COL26A1: variants seen among roughly 807,000 people sequenced by gnomAD.
COL26A1 encodes collagen alpha-1(XXVI) chain.
In COL26A1, 41 loss-of-function variants were observed where a neutral mutation model predicts 59.3. The ratio of observed to expected loss-of-function variants is 0.69; its 90% CI spans 0.54 to 0.90. COL26A1 has a LOEUF of 0.90. Among genes scored for constraint, COL26A1 ranks in the 40% least tolerant of loss-of-function variants. COL26A1 has a pLI of 0.00. For missense variants in COL26A1, 612 were observed against 602.3 expected (o/e 1.02, Z -0.17); for synonymous variants, 266 against 256.0 (o/e 1.04, Z -0.37).
chr7:101,418,092 T>C (rs1235758430), intron 1 of COL26A1, among the ~76,000 whole-genome samples: 1 of 152,070 alleles, frequency 6.6e-6, no homozygotes, highest in East Asian at 1.9e-4. Context: ...CTAGAATTCC[T>C]AAGCTCAAGC....
At chr7:101,540,816 T>C (rs10252827) in intron 5 of COL26A1, among the ~76,000 whole-genome samples, 55,802 of 151,812 alleles carry the variant, frequency 0.37, 11,407 homozygotes, top group African/African-American at 0.53. Flanking sequence ...CAATCCAGCC[T>C]GGAAGACGGG....
intron 3 of COL26A1, among the ~76,000 whole-genome samples, chr7:101,479,073 T>C (rs1794105589): frequency 6.6e-6 from 1 of 152,220 alleles, no homozygotes; most frequent in African/African-American, 2.4e-5. Flanking sequence ...GGGACTACCT[T>C]TGAATCCTTG....
At chr7:101,497,167 G>A (rs1794607678) in intron 3 of COL26A1, among the ~76,000 whole-genome samples, 1 of 152,120 alleles carries the variant, frequency 6.6e-6, no homozygotes. Flanking sequence ...GAACCCGGGA[G>A]GCAGAGGTTG....
In COL26A1 at chr7:101,371,538, T is replaced by C. The variant is rs1791194381; in HGVS notation, c.158+8348T>C. ...TGGGTGTGGTGGTGCACACTTGTAG[T>C]CCTGGTGGAAGCTGAGGTAGGAGGA... is the stretch of plus-strand genomic sequence containing the variant. On this transcript the variant is annotated intron_variant, in intron 1 of 12. Coordinates refer to ENST00000313669, the MANE Select transcript of COL26A1 (RefSeq NM_001278563.3). 2.0e-5 allele frequency among the ~76,000 whole-genome samples: 3 copies of C among 150,918 alleles called. No homozygotes were observed. In the South Asian group the frequency reaches 6.3e-4, roughly 32 times the overall value.
intron 12 of COL26A1, among the ~76,000 whole-genome samples, chr7:101,556,598 AATGG>A (rs1387972107): frequency 2.6e-5 from 4 of 151,670 alleles, no homozygotes; most frequent in South Asian, 2.1e-4. Context: ...TAGATGGATA[AATGG>A]ATGGATGGAT....
At chr7:101,516,407 G>A (rs905443021) in intron 3 of COL26A1, among the ~76,000 whole-genome samples, 4 of 151,922 alleles carry the variant, frequency 2.6e-5, no homozygotes, top group Non-Finnish European at 5.9e-5. Context: ...GAATAGCCGG[G>A]ACTACAGGTG....
chr7:101,472,539 A>G (rs752544410), intron 3 of COL26A1, among the ~76,000 whole-genome samples: 39 of 152,140 alleles, frequency 2.6e-4, no homozygotes, highest in Non-Finnish European at 5.0e-4. Context: ...AGGTGGATCC[A>G]TTCCGCCATG....
At position 101,372,875 on chromosome 7, in the gene COL26A1, G is replaced by A. The variant is rs1037319404; in HGVS notation, c.158+9685G>A. On this transcript the variant is annotated intron_variant, in intron 1 of 12. Transcript: ENST00000313669. ...CCAGGTGTGGTGGAACACACCTGTA[G>A]TCTCAGCTACTCAGGAGACTGAGGT... Among the ~76,000 whole-genome samples, 5 of 152,078 alleles carry A rather than the reference G, an allele frequency of 3.3e-5. No homozygotes were observed. The South Asian group carries it at 6.2e-4, about 19-fold the overall frequency.
chr7:101,406,538 T>G (rs573650588), intron 1 of COL26A1, among the ~76,000 whole-genome samples: 29 of 152,340 alleles, frequency 1.9e-4, no homozygotes, highest in African/African-American at 6.7e-4. Context: ...GCTATGGCCA[T>G]GAGCACCTTC....
intron 2 of COL26A1, among the ~76,000 whole-genome samples, chr7:101,429,520 A>G (rs1792726747): frequency 6.6e-6 from 1 of 150,462 alleles, no homozygotes; most frequent in African/African-American, 2.4e-5. Context: ...TACTATGGCT[A>G]TATAATAAGT....
At chr7:101,440,602 G>A (rs767108554) in intron 2 of COL26A1, among the ~76,000 whole-genome samples, 5 of 152,168 alleles carry the variant, frequency 3.3e-5, no homozygotes, top group East Asian at 1.9e-4. Context: ...TGTGCCCCAC[G>A]CCTGGACTTG....
chr7:101,387,679 A>ATAT (rs1251186477), intron 1 of COL26A1, among the ~76,000 whole-genome samples: 8 of 142,614 alleles, frequency 5.6e-5, no homozygotes, highest in East Asian at 4.0e-4. Context: ...ATATATATAT[A>ATAT]AAGAGAGAGA....
At chr7:101,433,521 G>T (rs1280225358) in intron 2 of COL26A1, among the ~76,000 whole-genome samples, 1 of 152,116 alleles carries the variant, frequency 6.6e-6, no homozygotes, top group Non-Finnish European at 1.5e-5. Context: ...TGTCCCAGAT[G>T]CTTCTGAGAC....
intron 2 of COL26A1, among the ~76,000 whole-genome samples, chr7:101,420,457 C>CAATG (rs1792485952): frequency 6.6e-6 from 1 of 152,086 alleles, no homozygotes; most frequent in Non-Finnish European, 1.5e-5. Flanking sequence ...CGAGGGGCTA[C>CAATG]AATGACCTTG....
At chr7:101,374,449 G>A (rs866792949) in intron 1 of COL26A1, among the ~76,000 whole-genome samples, 1 of 152,190 alleles carries the variant, frequency 6.6e-6, no homozygotes, top group Non-Finnish European at 1.5e-5. Context: ...AGTGATAGGC[G>A]AAAAAGCCTG....
chr7:101,456,406 G>A (rs1411964182), intron 3 of COL26A1, among the ~76,000 whole-genome samples: 1 of 151,992 alleles, frequency 6.6e-6, no homozygotes, highest in East Asian at 1.9e-4. Flanking sequence ...TGGGCGCGGT[G>A]TCTCACGCCT....
intron 3 of COL26A1, among the ~76,000 whole-genome samples, chr7:101,454,722 T>G (rs940674216): frequency 6.6e-6 from 1 of 152,146 alleles, no homozygotes; most frequent in Non-Finnish European, 1.5e-5. Context: ...AAAATATGTG[T>G]GTTAGATAAG....
chr7:101,448,386 G>T (rs553938917), intron 3 of COL26A1, among the ~76,000 whole-genome samples: 49 of 152,194 alleles, frequency 3.2e-4, no homozygotes, highest in Admixed American at 4.6e-4. Flanking sequence ...TTCACTGCTG[G>T]CCAGGGAAAT....
At chr7:101,541,305 GC>G (rs1051651405) in intron 5 of COL26A1, among the ~76,000 whole-genome samples, 1 of 152,068 alleles carries the variant, frequency 6.6e-6, no homozygotes, top group Non-Finnish European at 1.5e-5. Flanking sequence ...GAGGACATCT[GC>G]CCCCCTGCCT....
Sources: allele counts gnomAD v4.1 joint callset (sites outside exome capture counted in the v4.1 genomes callset), GRCh38; gene constraint gnomAD v4.1.1; transcripts MANE v1.5; gene names NCBI Gene and HGNC (gene_info 2026-07-23, HGNC 2026-07-21).